CSMD1: variants seen among roughly 807,000 people sequenced by gnomAD.
CSMD1 encodes CUB and Sushi multiple domains 1.
A neutral mutation model predicts 417.5 loss-of-function variants in CSMD1; 213 were observed. That is an observed-to-expected ratio of 0.51 (90% confidence interval 0.46 to 0.57). The LOEUF (loss-of-function observed/expected upper bound fraction) is 0.57. CSMD1 is among the 20% of genes least tolerant of loss of function. The pLI is 0.00. For missense variants in CSMD1, 6,923 were observed against 4,529.7 expected, an observed-to-expected ratio of 1.53 and a Z score of -15.17; for synonymous variants, 2,862 against 1,736.8, an observed-to-expected ratio of 1.65 and a Z score of -16.11.
chr8:4,504,091 T>A (rs62479717), intron 2 of CSMD1, among the ~76,000 whole-genome samples: 11,430 of 152,162 alleles, frequency 0.075, 519 homozygotes, highest in African/African-American at 0.12. Context: ...CTATGTCCAC[T>A]GATTGATGGA....
At chr8:3,511,960 G>A (rs73503625) in intron 10 of CSMD1, among the ~76,000 whole-genome samples, 45,564 of 147,488 alleles carry the variant, frequency 0.31, 8,077 homozygotes, top group Non-Finnish European at 0.39. Flanking sequence ...GTTTTCACCT[G>A]CAGTTTTACA....
At chr8:3,787,616 A>G (rs60521353) in intron 5 of CSMD1, among the ~76,000 whole-genome samples, 7,487 of 152,196 alleles carry the variant, frequency 0.049, 373 homozygotes, top group African/African-American at 0.11. Flanking sequence ...TTAATTCTGT[A>G]TAAGTATTTT....
At chr8:2,985,011 G>T (rs903556408) in intron 54 of CSMD1, among the ~76,000 whole-genome samples, 1 of 152,172 alleles carries the variant, frequency 6.6e-6, no homozygotes, top group Non-Finnish European at 1.5e-5. Flanking sequence ...ACTCTGAACA[G>T]ATACTGGAAC....
intron 9 of CSMD1, among the ~76,000 whole-genome samples, chr8:3,579,581 G>A (rs559486913): frequency 9.2e-5 from 14 of 152,070 alleles, no homozygotes; most frequent in South Asian, 4.1e-4. Context: ...CAAATTTTAC[G>A]TCCAGATTGT....
At chr8:4,609,739 A>G (rs1239669648) in intron 2 of CSMD1, among the ~76,000 whole-genome samples, 1 of 152,214 alleles carries the variant, frequency 6.6e-6, no homozygotes, top group Non-Finnish European at 1.5e-5. Context: ...AAAAAAGTCA[A>G]AGAAGAAAGA....
intron 1 of CSMD1, among the ~76,000 whole-genome samples, chr8:4,825,372 T>C (rs550453737): frequency 6.6e-6 from 1 of 152,242 alleles, no homozygotes; most frequent in South Asian, 2.1e-4. Flanking sequence ...TGAGATTTAT[T>C]CGCTTCACCA....
intron 6 of CSMD1, among the ~76,000 whole-genome samples, chr8:3,709,153 A>T (rs1272283803): frequency 2.3e-4 from 34 of 146,250 alleles, no homozygotes; most frequent in Admixed American, 6.1e-4. Flanking sequence ...AAGAAGTTTC[A>T]TTTTTTTTTT....
intron 39 of CSMD1, among the ~76,000 whole-genome samples, chr8:3,157,258 C>T (rs1819594375): frequency 6.6e-6 from 1 of 152,130 alleles, no homozygotes; most frequent in African/African-American, 2.4e-5. Context: ...GGCACCCTGA[C>T]ATCACCAACC....
At chr8:3,642,876 A>G (rs1292956123) in intron 7 of CSMD1, among the ~76,000 whole-genome samples, 1 of 151,948 alleles carries the variant, frequency 6.6e-6, no homozygotes, top group East Asian at 1.9e-4. Flanking sequence ...ATACATATAT[A>G]TAGATTATAC....
chr8:4,184,371 A>C (rs886804680), intron 3 of CSMD1, among the ~76,000 whole-genome samples: 3 of 152,192 alleles, frequency 2.0e-5, no homozygotes, highest in Non-Finnish European at 4.4e-5. Context: ...GTGCTCCCTG[A>C]AAACTAGCTA....
At chr8:3,718,510 T>C (rs910527459) in intron 6 of CSMD1, among the ~76,000 whole-genome samples, 1 of 152,192 alleles carries the variant, frequency 6.6e-6, no homozygotes, top group African/African-American at 2.4e-5. Flanking sequence ...TGTGAACCAT[T>C]TGTACTGTTG....
intron 2 of CSMD1, among the ~76,000 whole-genome samples, chr8:4,500,888 G>A (rs1433232721): frequency 6.6e-6 from 1 of 152,112 alleles, no homozygotes; most frequent in Non-Finnish European, 1.5e-5. Context: ...CACGTTCTCT[G>A]CACTAAACAA....
rs118026367 is a variant in CSMD1, at chr8:3,804,286, A to T, written c.819-50244T>A. On this transcript the variant is annotated intron_variant, in intron 5 of 69. Coordinates refer to ENST00000635120, the MANE Select transcript of CSMD1 (RefSeq NM_033225.6). ...AACATTTAACTTGCAGGTGCAGAAT[A>T]CTAAAATAAATAATTTTTTTTGTGC... 1.2e-4 allele frequency among the ~76,000 whole-genome samples: 18 copies of T among 152,288 alleles called. No homozygotes were observed. The East Asian group carries it at 2.7e-3, about 23-fold the overall frequency.
At chr8:3,621,166 A>G (rs1217531232) in intron 7 of CSMD1, among the ~76,000 whole-genome samples, 1 of 152,164 alleles carries the variant, frequency 6.6e-6, no homozygotes. Flanking sequence ...TACCCTCTAG[A>G]ATTGTGGTAA....
chr8:4,912,280 G>C (rs1252777403), intron 1 of CSMD1, among the ~76,000 whole-genome samples: 1 of 152,038 alleles, frequency 6.6e-6, no homozygotes, highest in Non-Finnish European at 1.5e-5. Context: ...GCAGTAGATT[G>C]TACTAAAATG....
At chr8:4,539,701 T>C (rs1797287016) in intron 2 of CSMD1, among the ~76,000 whole-genome samples, 1 of 152,208 alleles carries the variant, frequency 6.6e-6, no homozygotes, top group Admixed American at 6.5e-5. Flanking sequence ...GAAAATATCC[T>C]AGCTCTATCC....
chr8:3,492,789 G>C (rs1009426659), intron 11 of CSMD1, among the ~76,000 whole-genome samples: 1 of 152,068 alleles, frequency 6.6e-6, no homozygotes, highest in Admixed American at 6.6e-5. Flanking sequence ...CTAAGACTCT[G>C]GAATCAGAGT....
intron 5 of CSMD1, among the ~76,000 whole-genome samples, chr8:3,884,365 G>A (rs777046202): frequency 1.3e-4 from 20 of 152,192 alleles, no homozygotes; most frequent in African/African-American, 2.9e-4. Flanking sequence ...CTAGAGAACT[G>A]TTAGTGACAT....
chr8:4,824,920 A>G (rs938951291), intron 1 of CSMD1, among the ~76,000 whole-genome samples: 1 of 152,146 alleles, frequency 6.6e-6, no homozygotes, highest in Non-Finnish European at 1.5e-5. Flanking sequence ...CACAAATGCT[A>G]ACGTAAAGCC....
Sources: allele counts gnomAD v4.1 joint callset (sites outside exome capture counted in the v4.1 genomes callset), GRCh38; gene constraint gnomAD v4.1.1; transcripts MANE v1.5; gene names NCBI Gene and HGNC (gene_info 2026-07-23, HGNC 2026-07-21).